PPFIBP1: variants seen among roughly 807,000 people sequenced by gnomAD.
The protein encoded by PPFIBP1 is PPFIB scaffold protein 1, also known as liprin-beta-1.
PPFIBP1 carries 112 observed loss-of-function variants against 137.8 expected under a neutral mutation model. That is an observed-to-expected ratio of 0.81 (90% CI 0.70 to 0.95). PPFIBP1 has a LOEUF of 0.95. PPFIBP1 is among the 40% of genes least tolerant of loss of function. The probability of loss-of-function intolerance (pLI) is 0.00; values close to 1 mark genes in which losing one functional copy is unlikely to be tolerated. For synonymous variants in PPFIBP1, 378 were observed against 417.3 expected (o/e 0.91, Z 1.15); for missense variants, 1,083 against 1,196.6 (o/e 0.91, Z 1.40).
In PPFIBP1 at chr12:27,540,905, T is replaced by C. The variant is rs893871375; in HGVS notation, c.-124+16540T>C. On this transcript the variant is annotated intron_variant, in intron 1 of 29. Coordinates refer to ENST00000228425, the MANE Select transcript of PPFIBP1 (RefSeq NM_003622.4). Reference sequence around the variant, plus strand: ...CATTTGTCATAAACTCTAGTTCGTGTATTTCACTTATGAATCCTCTATCAT... The same window carrying C: ...CATTTGTCATAAACTCTAGTTCGTGCATTTCACTTATGAATCCTCTATCAT... 2.6e-5 allele frequency among the ~76,000 whole-genome samples: 4 copies of C among 152,264 alleles called. No individual in the cohort carries two copies. In the East Asian group the frequency reaches 7.7e-4, roughly 29 times the overall value.
rs148551963 is a variant in PPFIBP1, at chr12:27,677,087, C to G, written c.1606C>G (p.Pro536Ala). 43 of 1,614,136 alleles carry G rather than the reference C, an allele frequency of 2.7e-5. 1 individual carries two copies. In the African/African-American group the frequency reaches 5.1e-4, roughly 19 times the overall value. The part of the protein sequence containing the change: ...NLDRKRSASA[P>A]TLAETEKETA... ...AGATCGTAAACGAAGTGCCAGTGCA[C>G]CCACCCTAGGTATTGTACCCCTGCA... The change falls in exon 19 of 30, where the codon CCC becomes GCC. Residue 536 changes from proline (P) to alanine (A), a missense_variant. Coordinates refer to ENST00000228425, the MANE Select transcript of PPFIBP1 (RefSeq NM_003622.4).
chr12:27,666,709 A>T (rs1048325047), intron 12 of PPFIBP1, among the ~76,000 whole-genome samples: 3 of 152,156 alleles, frequency 2.0e-5, no homozygotes, highest in African/African-American at 7.2e-5. Context: ...CTGTTCTCCT[A>T]TGTTTTTTCA....
At chr12:27,621,420 A>G (rs147537304) in intron 2 of PPFIBP1, among the ~76,000 whole-genome samples, 13,180 of 152,298 alleles carry the variant, frequency 0.087, 744 homozygotes, top group East Asian at 0.13. Flanking sequence ...AAATATGAAT[A>G]ATTTGAAAAG....
At chr12:27,598,941 T>C (rs931960407) in intron 2 of PPFIBP1, among the ~76,000 whole-genome samples, 1 of 152,220 alleles carries the variant, frequency 6.6e-6, no homozygotes, top group Non-Finnish European at 1.5e-5. Context: ...GTAATAAAGC[T>C]TCTTGAAGTT....
intron 2 of PPFIBP1, among the ~76,000 whole-genome samples, chr12:27,596,166 C>A (rs1325733223): frequency 6.6e-6 from 1 of 151,470 alleles, no homozygotes. Context: ...AGAACCTCAA[C>A]GCATTGGAAT....
At chr12:27,576,246 A>C (rs974061020) in intron 1 of PPFIBP1, among the ~76,000 whole-genome samples, 6 of 151,728 alleles carry the variant, frequency 4.0e-5, no homozygotes, top group African/African-American at 1.2e-4. Context: ...TATTCTACTA[A>C]TTTTCTCCTT....
intron 1 of PPFIBP1, among the ~76,000 whole-genome samples, chr12:27,554,343 GAT>G (rs1947068036): frequency 6.6e-6 from 1 of 152,194 alleles, no homozygotes; most frequent in African/African-American, 2.4e-5. Flanking sequence ...TTGGTAAAAA[GAT>G]ATACACTAGG....
intron 4 of PPFIBP1, among the ~76,000 whole-genome samples, chr12:27,638,367 A>T (rs2057839046): frequency 6.6e-6 from 1 of 152,212 alleles, no homozygotes; most frequent in Non-Finnish European, 1.5e-5. Flanking sequence ...GAAGCAGTGA[A>T]TGATAAGGCA....
chr12:27,570,707 G>A (rs565989882), intron 1 of PPFIBP1, among the ~76,000 whole-genome samples: 101 of 152,004 alleles, frequency 6.6e-4, no homozygotes, highest in Non-Finnish European at 1.1e-3. Flanking sequence ...TCCGGAGATC[G>A]AGACCATCCT....
intron 11 of PPFIBP1, among the ~76,000 whole-genome samples, chr12:27,662,348 A>G (rs776398741): frequency 7.2e-5 from 11 of 152,190 alleles, no homozygotes; most frequent in Non-Finnish European, 1.5e-4. Flanking sequence ...TACTTCATAC[A>G]CCATGGTCTT....
Position 27,660,931 on chromosome 12 carries a change from G to A in PPFIBP1, c.892G>A (p.Ala298Thr). ...AAAAGCTGTGGAGTCCTTGATGGCA[G>A]CAAATGAAGAAAAGGTATCCAGATG... Reference protein sequence around the residue: ...MKKAVESLMAANEEKDRKIED... With the variant: ...MKKAVESLMATNEEKDRKIED... The change falls in exon 11 of 30, where the codon GCA (alanine) becomes ACA (threonine). Residue 298 changes from alanine to threonine, a missense_variant. Physicochemically the swap from Ala to Thr is moderately conservative, Grantham distance 58 (BLOSUM62 0). Coordinates refer to ENST00000228425, the MANE Select transcript of PPFIBP1 (RefSeq NM_003622.4). 2 of 1,613,078 alleles carry A rather than the reference G, an allele frequency of 1.2e-6. No individual in the cohort carries two copies. Among genetic ancestry groups the A allele is most frequent in the Non-Finnish European group, 8.5e-7 (1 of 1,179,670 alleles).
chr12:27,568,441 A>C (rs1277705106), intron 1 of PPFIBP1, among the ~76,000 whole-genome samples: 4 of 152,202 alleles, frequency 2.6e-5, no homozygotes, highest in Non-Finnish European at 5.9e-5. Flanking sequence ...TGTAGAAGTT[A>C]AGAATGCCAG....
chr12:27,548,943 A>C (rs1229063840), intron 1 of PPFIBP1: 1 of 152,234 alleles, frequency 6.6e-6, no homozygotes, highest in Admixed American at 6.5e-5. Context: ...TAAGTAGGTC[A>C]CTGTTCCTAA....
chr12:27,576,606 T>C (rs1227488750), intron 1 of PPFIBP1, among the ~76,000 whole-genome samples: 1 of 152,170 alleles, frequency 6.6e-6, no homozygotes, highest in African/African-American at 2.4e-5. Context: ...ACCTCTGCCC[T>C]GGGGCTCAGG....
intron 12 of PPFIBP1, among the ~76,000 whole-genome samples, chr12:27,666,339 A>ATCCTCATACAATTCTAATAACACT (rs548515272): frequency 0.016 from 2,437 of 152,290 alleles, 67 homozygotes; most frequent in African/African-American, 0.053. Context: ...TATTTAGTTA[A>ATCCTCATACAATTCTAATAACACT]TCCTCATACA....
At chr12:27,606,397 C>T (rs1006073209) in intron 2 of PPFIBP1, among the ~76,000 whole-genome samples, 1 of 152,164 alleles carries the variant, frequency 6.6e-6, no homozygotes, top group Non-Finnish European at 1.5e-5. Context: ...ACTTTCATCA[C>T]TAAAGCTAGG....
At chr12:27,579,543 C>A (rs1486081223) in intron 2 of PPFIBP1, among the ~76,000 whole-genome samples, 3 of 152,084 alleles carry the variant, frequency 2.0e-5, no homozygotes, top group South Asian at 2.1e-4. Context: ...TTGTGTCTAG[C>A]TTGTTTTGCT....
chr12:27,562,636 C>G (rs1485640093), intron 1 of PPFIBP1, among the ~76,000 whole-genome samples: 1 of 152,118 alleles, frequency 6.6e-6, no homozygotes, highest in African/African-American at 2.4e-5. Flanking sequence ...ACTACTAAGT[C>G]ACTCTTTTTA....
chr12:27,692,787 G>A lies in PPFIBP1; in HGVS notation c.2932-9G>A, dbSNP rs140924824. 5.5e-5 allele frequency: 89 copies of A among 1,614,056 alleles called. 1 individual carries two copies. In the African/African-American group the frequency reaches 1.0e-3, roughly 18 times the overall value. On this transcript the variant is annotated splice_polypyrimidine_tract_variant and intron_variant, in intron 29 of 29. Coordinates refer to ENST00000228425, the MANE Select transcript of PPFIBP1 (RefSeq NM_003622.4). ...TCTCAGTGTGACTCCCTGTCTCCTT[G>A]TTTTCCAGCACATGTTAAAAGAAGA...
Sources: allele counts gnomAD v4.1 joint callset (sites outside exome capture counted in the v4.1 genomes callset), GRCh38; gene constraint gnomAD v4.1.1; transcripts MANE v1.5; gene names NCBI Gene and HGNC (gene_info 2026-07-23, HGNC 2026-07-21).